RNF115: variants seen among roughly 807,000 people sequenced by gnomAD.
The protein encoded by RNF115 is ring finger protein 115.
RNF115 carries 31 observed loss-of-function variants against 39.2 expected under a neutral mutation model. That is an observed-to-expected ratio of 0.79 (90% CI 0.59 to 1.07). RNF115 has a LOEUF of 1.07. Among genes scored for constraint, RNF115 ranks in the 50% least tolerant of loss-of-function variants. The pLI is 0.00. For missense variants in RNF115, 384 were observed against 381.7 expected (o/e 1.01, Z -0.05); for synonymous variants, 124 against 131.0 (o/e 0.95, Z 0.37).
intron 3 of RNF115, among the ~76,000 whole-genome samples, chr1:145,776,164 A>AC (rs1647876768): frequency 8.2e-6 from 1 of 121,780 alleles, no homozygotes; most frequent in Non-Finnish European, 1.6e-5. Context: ...TCTGACCAAC[A>AC]TTTTTTTTTT....
chr1:145,788,158 T>G (rs1648479931), intron 2 of RNF115, among the ~76,000 whole-genome samples: 1 of 152,122 alleles, frequency 6.6e-6, no homozygotes, highest in African/African-American at 2.4e-5. Flanking sequence ...CTTGGCTCAC[T>G]GCAACCTCCA....
At chr1:145,749,549 CTT>C (rs1294852294) in intron 7 of RNF115, among the ~76,000 whole-genome samples, 1 of 152,174 alleles carries the variant, frequency 6.6e-6, no homozygotes, top group Non-Finnish European at 1.5e-5. Flanking sequence ...TCAGAATTCT[CTT>C]TGACTCTTTC....
chr1:145,802,778 G>A (rs1429801965), intron 1 of RNF115, among the ~76,000 whole-genome samples: 1 of 152,186 alleles, frequency 6.6e-6, no homozygotes, highest in Non-Finnish European at 1.5e-5. Context: ...TGGCAAGACA[G>A]TCAGAAATTT....
intron 4 of RNF115, among the ~76,000 whole-genome samples, chr1:145,767,189 G>A (rs78678019): frequency 9.3e-5 from 14 of 150,170 alleles, no homozygotes; most frequent in Non-Finnish European, 1.8e-4. Flanking sequence ...GGTGGCTGCC[G>A]GGCGGAGACG....
chr1:145,775,027 G>A (rs34044408), intron 3 of RNF115, among the ~76,000 whole-genome samples: 6,951 of 152,130 alleles, frequency 0.046, 200 homozygotes, highest in Middle Eastern at 0.085. Flanking sequence ...CAGGAGGATC[G>A]CTTGAGCCCA....
chr1:145,779,175 A>AT (rs35142462), intron 3 of RNF115, among the ~76,000 whole-genome samples: 189 of 142,076 alleles, frequency 1.3e-3, no homozygotes, highest in African/African-American at 2.2e-3. Flanking sequence ...TGAAGTCCTA[A>AT]TTTTTTTTTT....
At chr1:145,760,465 C>T (rs1658456216) in intron 4 of RNF115, among the ~76,000 whole-genome samples, 1 of 152,112 alleles carries the variant, frequency 6.6e-6, no homozygotes, top group East Asian at 1.9e-4. Flanking sequence ...TGAGAGGGAC[C>T]CTGGGGGAGG....
At chr1:145,760,255 C>CA (rs1287478193) in intron 4 of RNF115, among the ~76,000 whole-genome samples, 2 of 151,944 alleles carry the variant, frequency 1.3e-5, no homozygotes, top group Non-Finnish European at 2.9e-5. Context: ...CCCATCTCTA[C>CA]AAAAAAAATT....
rs377745553 is a variant in RNF115, at chr1:145,771,766, G to C, written c.373C>G (p.Arg125Gly). Reference sequence around the variant, plus strand: ...GAACTTCCTCGAGATCTGTATCTCCGACCCAATGGCAACCGTGGAGGTCTT... The same window carrying C: ...GAACTTCCTCGAGATCTGTATCTCCCACCCAATGGCAACCGTGGAGGTCTT... The part of the protein sequence containing the change: ...GARPPRLPLG[R>G]RYRSRGSSRP... The change falls in exon 4 of 9, where the codon CGG becomes GGG. Residue 125 changes from arginine to glycine, a missense_variant. Transcript: ENST00000582693. 2.5e-5 allele frequency: 40 copies of C among 1,613,952 alleles called. No homozygotes were observed. The highest frequency in any genetic ancestry group is 3.4e-5 in the Non-Finnish European group (40 of 1,179,984).
intron 4 of RNF115, among the ~76,000 whole-genome samples, chr1:145,754,235 A>T (rs752884326): frequency 6.6e-6 from 1 of 152,204 alleles, no homozygotes; most frequent in Admixed American, 6.5e-5. Flanking sequence ...ATATGTATGC[A>T]TTGTGGAATG....
intron 1 of RNF115, among the ~76,000 whole-genome samples, chr1:145,803,955 T>C (rs587695302): frequency 3.3e-5 from 5 of 152,328 alleles, no homozygotes; most frequent in African/African-American, 9.6e-5. Flanking sequence ...AAAAGATTTA[T>C]AGTGTTTTTG....
At chr1:145,801,814 G>T (rs1571772650) in intron 1 of RNF115, among the ~76,000 whole-genome samples, 1 of 151,732 alleles carries the variant, frequency 6.6e-6, no homozygotes, top group African/African-American at 2.4e-5. Context: ...CTGAGACAGG[G>T]TCTCGCTCTG....
At chr1:145,799,887 C>T (rs961359984) in intron 1 of RNF115, among the ~76,000 whole-genome samples, 10 of 151,908 alleles carry the variant, frequency 6.6e-5, no homozygotes, top group Non-Finnish European at 1.5e-4. Flanking sequence ...AGCCAACAGG[C>T]CCAGCCACTG....
intron 1 of RNF115, among the ~76,000 whole-genome samples, chr1:145,789,700 C>CTTTTTTTTTTTTTTTT (rs67276251): frequency 1.2e-5 from 1 of 86,740 alleles, no homozygotes; most frequent in Non-Finnish European, 2.1e-5. Context: ...ACCCGGACTT[C>CTTTTTTTTTTTTTTTT]TTTTTTTTTT....
rs1370744777 is a variant in RNF115, at chr1:145,820,710, T to C, written c.102+3062A>G. Among the ~76,000 whole-genome samples, 3 of 152,270 alleles carry C rather than the reference T, an allele frequency of 2.0e-5. No homozygotes were observed. The East Asian group carries it at 5.8e-4, about 29-fold the overall frequency. On this transcript the variant is annotated intron_variant, in intron 1 of 8. Coordinates refer to ENST00000582693, the MANE Select transcript of RNF115 (RefSeq NM_014455.4). ...GAGATCGCACCACTGCACTCCAGCC[T>C]GGTGACAGAGCGAGACTCAGTCTCA...
At chr1:145,757,987 G>C (rs1658363944) in intron 4 of RNF115, among the ~76,000 whole-genome samples, 1 of 152,172 alleles carries the variant, frequency 6.6e-6, no homozygotes, top group African/African-American at 2.4e-5. Flanking sequence ...TTGGGAGGAA[G>C]TGAGTGCATT....
At position 145,766,795 on chromosome 1, in the gene RNF115, G is replaced by C. The variant is rs1459176838; in HGVS notation, c.428+4916C>G. On this transcript the variant is annotated intron_variant, in intron 4 of 8. Transcript: ENST00000582693. ...CCCGGACAGGGCGGCTGGCCGGGGG[G>C]GGGGGGGGGGGGGGGCTGACCCCCC... Among the ~76,000 whole-genome samples, 8 of 13,138 alleles carry C rather than the reference G, an allele frequency of 6.1e-4. 1 individual carries two copies. The highest frequency in any genetic ancestry group is 5.3e-3 in the South Asian group (2 of 380). The allele number at this position is 13,138 out of a possible 152,430, so 8.6% of individuals were successfully genotyped here.
intron 1 of RNF115, among the ~76,000 whole-genome samples, chr1:145,812,403 A>G (rs1174566791): frequency 2.0e-5 from 3 of 150,920 alleles, no homozygotes; most frequent in African/African-American, 7.3e-5. Flanking sequence ...AACACCTGTA[A>G]TCCCAGCACT....
At chr1:145,808,535 G>GT (rs759052596) in intron 1 of RNF115, among the ~76,000 whole-genome samples, 1 of 152,042 alleles carries the variant, frequency 6.6e-6, no homozygotes, top group Non-Finnish European at 1.5e-5. Flanking sequence ...CCATTATTTG[G>GT]TTTTTTATTA....
Sources: allele counts gnomAD v4.1 joint callset (sites outside exome capture counted in the v4.1 genomes callset), GRCh38; gene constraint gnomAD v4.1.1; transcripts MANE v1.5; gene names NCBI Gene and HGNC (gene_info 2026-07-23, HGNC 2026-07-21).